Variants in SBF2 observed in about 807,000 individuals in gnomAD.
SBF2 encodes myotubularin-related protein 13.
SBF2 carries 112 observed loss-of-function variants against 225.2 expected under a neutral mutation model. That is an observed-to-expected ratio of 0.50 (90% CI 0.43 to 0.58). The LOEUF (loss-of-function observed/expected upper bound fraction) is 0.58, where lower values mean the gene tolerates loss of function less well. Ranked by LOEUF, SBF2 falls within the 20% of genes least tolerant of loss-of-function variation. SBF2 has a pLI of 0.00. For synonymous variants in SBF2, 763 were observed against 773.3 expected (o/e 0.99, Z 0.22); for missense variants, 1,996 against 2,206.2 (o/e 0.90, Z 1.91).
At chr11:9,933,762 GA>G (rs1211302948) in intron 16 of SBF2, among the ~76,000 whole-genome samples, 6 of 152,052 alleles carry the variant, frequency 3.9e-5, no homozygotes, top group African/African-American at 1.5e-4. Context: ...AAAGAAGCAA[GA>G]GCAAACAAAT....
Position 9,809,223 on chromosome 11 carries a change from T to C in SBF2, c.4156-221A>G, listed in dbSNP as rs559860402. 2.6e-5 allele frequency: 12 copies of C among 468,786 alleles called. No individual in the cohort carries two copies. In the East Asian group the frequency reaches 4.9e-4, roughly 19 times the overall value. 29.0% of individuals were successfully genotyped at this position (468,786 alleles called of 1,614,324 possible). A position where few individuals can be genotyped will look rare whatever the true frequency, so the allele number is the denominator to read the frequency against. Reference sequence around the variant, plus strand: ...ACTCATGCCCATAATCCCAGCACTTTGGGAGGCCGAGCCGGGCAGGTCATT... The same window carrying C: ...ACTCATGCCCATAATCCCAGCACTTCGGGAGGCCGAGCCGGGCAGGTCATT... On this transcript the variant is annotated intron_variant, in intron 30 of 39. Transcript: ENST00000256190.
chr11:10,161,968 C>T (rs1955762230), intron 2 of SBF2, among the ~76,000 whole-genome samples: 1 of 152,126 alleles, frequency 6.6e-6, no homozygotes, highest in Admixed American at 6.5e-5. Context: ...CTGGGCAACA[C>T]AGTGAGACCC....
chr11:10,146,015 C>G (rs1039421773), intron 2 of SBF2, among the ~76,000 whole-genome samples: 1 of 152,040 alleles, frequency 6.6e-6, no homozygotes, highest in African/African-American at 2.4e-5. Context: ...TACAGCTAAC[C>G]AGGAAGGTGA....
chr11:9,786,198 G>A (rs553364189), intron 36 of SBF2, among the ~76,000 whole-genome samples: 16 of 152,274 alleles, frequency 1.1e-4, no homozygotes, highest in East Asian at 9.7e-4. Context: ...GGAAGGACAC[G>A]TATGCCAACG....
intron 1 of SBF2, among the ~76,000 whole-genome samples, chr11:10,214,108 A>C (rs945834807): frequency 2.6e-5 from 4 of 152,150 alleles, no homozygotes; most frequent in African/African-American, 4.8e-5. Flanking sequence ...CTCAAACTAA[A>C]CACTATTGAC....
chr11:10,129,542 G>C lies in SBF2; in HGVS notation c.141+64360C>G, dbSNP rs1953930797. Among the ~76,000 whole-genome samples, 6 of 152,258 alleles carry C rather than the reference G, an allele frequency of 3.9e-5. No individual in the cohort carries two copies. In the South Asian group the frequency reaches 1.2e-3, roughly 32 times the overall value. ...TCTTATATCAGCTCACACCTAATTA[G>C]ATCCTCCTTTAATTTTGTTGAAAGC... is the stretch of plus-strand genomic sequence containing the variant. On this transcript the variant is annotated intron_variant, in intron 2 of 39. Coordinates refer to ENST00000256190, the MANE Select transcript of SBF2 (RefSeq NM_030962.4).
Position 10,042,987 on chromosome 11 carries a change from T to C in SBF2, c.142-6A>G, listed in dbSNP as rs1241730559. ...CACCCGCCAGGCTGACAAAACTAAA[T>C]GAAATAGAAAAAAAAATGTAACATT... On this transcript the variant is annotated splice_polypyrimidine_tract_variant and splice_region_variant and intron_variant, in intron 2 of 39. Coordinates refer to ENST00000256190, the MANE Select transcript of SBF2 (RefSeq NM_030962.4). 6.2e-7 allele frequency: 1 copy of C among 1,611,578 alleles called. No homozygotes were observed. The highest frequency in any genetic ancestry group is 1.7e-4 in the Middle Eastern group (1 of 6,032).
chr11:9,852,529 A>G, intron 21 of SBF2, 147 bp downstream of exon 21: 1 of 691,302 alleles, frequency 1.4e-6, no homozygotes, highest in Admixed American at 2.2e-5. Flanking sequence ...TCTATATGAC[A>G]CACTTCTCTG....
intron 1 of SBF2, among the ~76,000 whole-genome samples, chr11:10,275,874 A>G (rs1476241026): frequency 6.6e-6 from 1 of 152,168 alleles, no homozygotes; most frequent in Non-Finnish European, 1.5e-5. Flanking sequence ...AAAAAATGTG[A>G]TGTTTCATTG....
chr11:10,222,773 C>T (rs527873019), intron 1 of SBF2, among the ~76,000 whole-genome samples: 1 of 152,210 alleles, frequency 6.6e-6, no homozygotes, highest in South Asian at 2.1e-4. Flanking sequence ...TTGGAGGTTG[C>T]AAATTTCTTT....
intron 33 of SBF2, 99 bp downstream of exon 33, chr11:9,795,732 T>G (rs971790811): frequency 7.0e-7 from 1 of 1,436,154 alleles, no homozygotes; most frequent in Admixed American, 1.7e-5. Context: ...AAACCTTAAC[T>G]CAGCTTGTCA....
intron 16 of SBF2, chr11:9,956,896 T>C (rs1866209553): frequency 6.6e-6 from 1 of 152,214 alleles, no homozygotes; most frequent in South Asian, 2.1e-4. Context: ...GTGTTTTGAC[T>C]CTAGCCCTGT....
chr11:10,202,138 C>A (rs1298239422), intron 1 of SBF2, among the ~76,000 whole-genome samples: 1 of 152,184 alleles, frequency 6.6e-6, no homozygotes, highest in African/African-American at 2.4e-5. Flanking sequence ...AAAATGTCTT[C>A]TTTAACAGCA....
At chr11:9,845,381 G>C (rs1476500613) in intron 24 of SBF2, among the ~76,000 whole-genome samples, 184 bp downstream of exon 24, 3 of 152,168 alleles carry the variant, frequency 2.0e-5, no homozygotes, top group Non-Finnish European at 2.9e-5. Context: ...TTTAGTTTTT[G>C]AAACTTGCTA....
At chr11:10,053,926 A>C (rs1394564573) in intron 2 of SBF2, among the ~76,000 whole-genome samples, 1 of 141,966 alleles carries the variant, frequency 7.0e-6, no homozygotes, top group Non-Finnish European at 1.5e-5. Flanking sequence ...TTCTTCCACC[A>C]AAAAAAAAAA....
rs762612756 is a variant in SBF2 at position 9,853,642 on chromosome 11, C to T, written c.2434G>A (p.Ala812Thr). Residue 812 changes from alanine to threonine, a missense_variant, in exon 20 of 40, where the codon GCC becomes ACC. By Grantham distance (58) the Ala-to-Thr change is moderately conservative (BLOSUM62 0). Coordinates refer to ENST00000256190, the MANE Select transcript of SBF2 (RefSeq NM_030962.4). ...GTAATGAACCGCACAACAGAATTGG[C>T]AATGTCAGTATTCTCTGAATCTTCA... ...GFEDSENTDI[A>T]NSVVRFITRF... 1.2e-6 allele frequency: 2 copies of T among 1,613,872 alleles called. No individual in the cohort carries two copies. The highest frequency in any genetic ancestry group is 1.7e-6 in the Non-Finnish European group (2 of 1,179,820).
chr11:10,300,689 C>G (rs970687395), intron 1 of SBF2, among the ~76,000 whole-genome samples: 1 of 151,994 alleles, frequency 6.6e-6, no homozygotes, highest in Non-Finnish European at 1.5e-5. Context: ...ATCATCCATT[C>G]ATTAATGCCA....
intron 2 of SBF2, among the ~76,000 whole-genome samples, chr11:10,065,650 T>C (rs945597905): frequency 6.6e-6 from 1 of 152,108 alleles, no homozygotes; most frequent in African/African-American, 2.4e-5. Flanking sequence ...AAAGAAATTC[T>C]CTAAAAGACA....
intron 32 of SBF2, among the ~76,000 whole-genome samples, chr11:9,798,862 G>A (rs1238299328): frequency 6.6e-6 from 1 of 150,546 alleles, no homozygotes; most frequent in Non-Finnish European, 1.5e-5. Flanking sequence ...TGAGGCAAGA[G>A]AATGGCATGA....
Sources: gnomAD v4.1 joint callset for allele counts (sites outside exome capture counted in the v4.1 genomes callset) on GRCh38, gnomAD v4.1.1 for gene constraint, MANE v1.5 for transcripts, NCBI Gene and HGNC (gene_info 2026-07-23, HGNC 2026-07-21) for gene names.